The following MTHFD2L variants were observed in gnomAD, a reference collection of about 807,000 sequenced individuals.
The protein encoded by MTHFD2L is bifunctional methylenetetrahydrofolate dehydrogenase/cyclohydrolase 2, mitochondrial.
Under a neutral mutation model 34.9 loss-of-function variants are expected in MTHFD2L, and 29 were observed. The observed-to-expected ratio is 0.83, with a 90% CI of 0.62 to 1.13. The LOEUF (loss-of-function observed/expected upper bound fraction) is 1.13. Among genes scored for constraint, MTHFD2L ranks in the 50% most tolerant of loss-of-function variants. The pLI, the probability that MTHFD2L is intolerant of heterozygous loss-of-function variation, is 0.00. For missense variants in MTHFD2L, 481 were observed against 446.5 expected (o/e 1.08, Z -0.70); for synonymous variants, 167 against 155.7 (o/e 1.07, Z -0.54).
chr4:74,158,011 C>T (rs1465872950), upstream of MTHFD2L: 2 of 1,401,156 alleles, frequency 1.4e-6, no homozygotes. Context: ...GCGTGTCTGC[C>T]GGAACCTGGC....
intron 5 of MTHFD2L, among the ~76,000 whole-genome samples, chr4:74,224,334 C>T (rs775242753): frequency 4.6e-5 from 7 of 152,088 alleles, no homozygotes; most frequent in South Asian, 2.1e-4. Flanking sequence ...TGTCATTCTC[C>T]GCATTTCTTT....
intron 2 of MTHFD2L, among the ~76,000 whole-genome samples, chr4:74,116,853 T>C (rs1721662867): frequency 6.6e-6 from 1 of 152,254 alleles, no homozygotes; most frequent in Admixed American, 6.5e-5. Context: ...ACTAGGCATA[T>C]AGATACCGTT....
intron 6 of MTHFD2L, among the ~76,000 whole-genome samples, chr4:74,264,769 T>C (rs1019048891): frequency 2.0e-5 from 3 of 152,110 alleles, no homozygotes; most frequent in Non-Finnish European, 4.4e-5. Context: ...GCGTTAATAT[T>C]AATGGATTTC....
chr4:74,174,611 C>T lies in MTHFD2L; in HGVS notation c.249C>T (p.His83=). Residue 83 remains histidine (H), a synonymous_variant, in exon 2 of 8, where the codon CAC becomes CAT. Coordinates refer to ENST00000325278, the MANE Select transcript of MTHFD2L (RefSeq NM_001144978.3). ...TTTCCCTTGGAAACAGAAGACCTCA[C>T]CTCAGTATAATTTTAGTGGGAGATA... ...SWVSLGNRRP[H]LSIILVGDNP... is the part of the protein sequence containing the mutation. 6.2e-7 allele frequency: 1 copy of T among 1,605,472 alleles called. No individual in the cohort carries two copies. The highest frequency in any genetic ancestry group is 8.5e-7 in the Non-Finnish European group (1 of 1,176,258).
At chr4:74,209,456 G>T (rs766003055) in intron 5 of MTHFD2L, among the ~76,000 whole-genome samples, 1 of 152,124 alleles carries the variant, frequency 6.6e-6, no homozygotes, top group Non-Finnish European at 1.5e-5. Flanking sequence ...TTGGTTTTCC[G>T]TTCCTGTGTT....
upstream of MTHFD2L, among the ~76,000 whole-genome samples, chr4:74,155,181 T>TA (rs1724167067): frequency 6.6e-6 from 1 of 152,214 alleles, no homozygotes; most frequent in African/African-American, 2.4e-5. Context: ...TCCAGTTATT[T>TA]AGGTCAGCAC....
chr4:74,240,324 G>A (rs1741515386), intron 6 of MTHFD2L, among the ~76,000 whole-genome samples: 1 of 151,816 alleles, frequency 6.6e-6, no homozygotes, highest in Non-Finnish European at 1.5e-5. Context: ...ACATTATCTC[G>A]GTTCCCAAAA....
At chr4:74,300,939 G>A (rs1304844685) in intron 7 of MTHFD2L, among the ~76,000 whole-genome samples, 1 of 152,034 alleles carries the variant, frequency 6.6e-6, no homozygotes, top group African/African-American at 2.4e-5. Context: ...GATCATGGTT[G>A]TTCACCTTTG....
At chr4:74,147,044 AT>A (rs770105855) in intron 1 of MTHFD2L, among the ~76,000 whole-genome samples, 1 of 152,000 alleles carries the variant, frequency 6.6e-6, no homozygotes, top group Non-Finnish European at 1.5e-5. Flanking sequence ...TTTCTGTGCT[AT>A]CTTGGAGAAT....
chr4:74,165,635 C>T (rs1560433389), intron 1 of MTHFD2L, among the ~76,000 whole-genome samples: 1 of 152,144 alleles, frequency 6.6e-6, no homozygotes, highest in Admixed American at 6.5e-5. Flanking sequence ...GAATTACAGG[C>T]GTGAGCCACT....
intron 6 of MTHFD2L, among the ~76,000 whole-genome samples, chr4:74,243,143 G>C (rs1260131765): frequency 6.6e-6 from 1 of 152,174 alleles, no homozygotes; most frequent in Non-Finnish European, 1.5e-5. Flanking sequence ...AAAGGATGTG[G>C]CCTCTCAGCT....
chr4:74,293,094 G>A (rs1159588373), intron 7 of MTHFD2L, among the ~76,000 whole-genome samples: 3 of 151,918 alleles, frequency 2.0e-5, no homozygotes, highest in East Asian at 1.9e-4. Flanking sequence ...TGTGCAGAAC[G>A]TCCAGGTTTG....
chr4:74,264,334 T>C (rs1203946307), intron 6 of MTHFD2L, among the ~76,000 whole-genome samples: 1 of 152,040 alleles, frequency 6.6e-6, no homozygotes, highest in Non-Finnish European at 1.5e-5. Context: ...ACTAAAATTA[T>C]AAATTAGCAA....
intron 1 of MTHFD2L, among the ~76,000 whole-genome samples, chr4:74,138,896 C>T (rs1216433028): frequency 6.6e-6 from 1 of 152,160 alleles, no homozygotes; most frequent in Non-Finnish European, 1.5e-5. Flanking sequence ...ATAGATTTGA[C>T]TATTTCTTTA....
intron 7 of MTHFD2L, among the ~76,000 whole-genome samples, chr4:74,295,115 C>A (rs1034849466): frequency 6.6e-6 from 1 of 152,034 alleles, no homozygotes. Context: ...AGCTTATTCA[C>A]CCTGAACACA....
chr4:74,278,501 A>T (rs1430062722), intron 6 of MTHFD2L, among the ~76,000 whole-genome samples: 2 of 152,110 alleles, frequency 1.3e-5, no homozygotes, highest in East Asian at 1.9e-4. Context: ...TTTAAAAAAA[A>T]TTTTTCCTGA....
chr4:74,182,005 A>T (rs991674504), intron 3 of MTHFD2L, among the ~76,000 whole-genome samples: 1 of 152,162 alleles, frequency 6.6e-6, no homozygotes, highest in Non-Finnish European at 1.5e-5. Flanking sequence ...ACTGATTATT[A>T]TTAAAATGTT....
At chr4:74,229,687 G>T (rs1337072730) in intron 6 of MTHFD2L, among the ~76,000 whole-genome samples, 2 of 152,054 alleles carry the variant, frequency 1.3e-5, no homozygotes, top group Non-Finnish European at 2.9e-5. Context: ...TACTCCTACT[G>T]GCTTATATAT....
chr4:74,117,882 C>T (rs1721681812), intron 2 of MTHFD2L, among the ~76,000 whole-genome samples: 1 of 152,204 alleles, frequency 6.6e-6, no homozygotes, highest in Admixed American at 6.5e-5. Context: ...AAAGTCCTGT[C>T]CATTTGCTTC....
Sources: allele counts gnomAD v4.1 joint callset (sites outside exome capture counted in the v4.1 genomes callset), GRCh38; gene constraint gnomAD v4.1.1; transcripts MANE v1.5; gene names NCBI Gene and HGNC (gene_info 2026-07-23, HGNC 2026-07-21).